The following KLRG1 variants were observed in gnomAD, a reference collection of about 807,000 sequenced individuals.
The protein encoded by KLRG1 is killer cell lectin like receptor G1, also known as killer cell lectin-like receptor subfamily G member 1.
A neutral mutation model predicts 21.8 loss-of-function variants in KLRG1; 16 were observed. The observed-to-expected ratio is 0.73, with a 90% CI of 0.50 to 1.11. KLRG1 has a LOEUF of 1.11. KLRG1 is among the 50% of genes most tolerant of loss of function. The pLI, the probability that KLRG1 is intolerant of heterozygous loss-of-function variation, is 0.00. For synonymous variants in KLRG1, 69 were observed against 75.9 expected (o/e 0.91, Z 0.47); for missense variants, 173 against 218.3 (o/e 0.79, Z 1.31).
the KLRG1 span, chr12:9,069,730 T>C: frequency 1.2e-6 from 2 of 1,605,988 alleles, no homozygotes; most frequent in Non-Finnish European, 1.7e-6. Context: ...GCAAATAGAC[T>C]GGAAGTTCTC....
At chr12:9,079,689 T>G in the KLRG1 span, 1 of 1,613,788 alleles carries the variant, frequency 6.2e-7, no homozygotes, top group Non-Finnish European at 8.5e-7. Flanking sequence ...AGTAAGCTGC[T>G]GTGTTTCATT....
chr12:9,030,527 C>T, the KLRG1 span, among the ~76,000 whole-genome samples: 2 of 152,132 alleles, frequency 1.3e-5, no homozygotes, highest in Non-Finnish European at 2.9e-5. Context: ...CTGCCTCAGC[C>T]TCCCAAGTAG....
the KLRG1 span, among the ~76,000 whole-genome samples, chr12:9,059,994 A>ATT: frequency 9.6e-6 from 1 of 103,664 alleles, no homozygotes; most frequent in African/African-American, 4.2e-5. Flanking sequence ...CAGCCCTGGC[A>ATT]TCTTTTTTTT....
chr12:9,076,366 G>A, the KLRG1 span, among the ~76,000 whole-genome samples: 1 of 152,208 alleles, frequency 6.6e-6, no homozygotes, highest in African/African-American at 2.4e-5. Flanking sequence ...TGAAGGAACT[G>A]AAACACAAGG....
At chr12:9,160,776 G>A in the KLRG1 span, among the ~76,000 whole-genome samples, 10 of 152,020 alleles carry the variant, frequency 6.6e-5, no homozygotes, top group Middle Eastern at 3.2e-3. Flanking sequence ...TTAGCCGGGC[G>A]TGGTGGCGGG....
the KLRG1 span, chr12:9,058,418 G>A: frequency 1.3e-5 from 2 of 151,918 alleles, no homozygotes; most frequent in African/African-American, 4.8e-5. Context: ...ATGTTTATCT[G>A]AAGTATACAG....
the KLRG1 span, chr12:9,150,717 G>C: frequency 2.5e-6 from 4 of 1,612,704 alleles, no homozygotes; most frequent in South Asian, 4.4e-5. Flanking sequence ...GCAGAACCAT[G>C]AAGGAAAAAC....
the KLRG1 span, chr12:9,079,938 G>T: frequency 9.4e-7 from 1 of 1,062,340 alleles, no homozygotes; most frequent in Non-Finnish European, 1.3e-6. Flanking sequence ...ATTCTTCCAG[G>T]GATAGAAGTA....
chr12:9,079,720 T>A, the KLRG1 span: 1 of 1,613,698 alleles, frequency 6.2e-7, no homozygotes, highest in South Asian at 1.1e-5. Flanking sequence ...AGTACATAGA[T>A]GTTAGGAGCA....
rs35591560 is a variant in KLRG1, at chr12:9,010,186, T to TAA, written c.*663_*664dup. On this transcript the variant is annotated 3_prime_UTR_variant, in exon 5 of 5. Transcript: ENST00000356986. ...GGGAGATAGAGCAAGACTCCATCTCTAAAAAAAAAAAAAAATGCTAATGTG... is the reference window on the plus strand; with the variant it reads ...GGGAGATAGAGCAAGACTCCATCTCTAAAAAAAAAAAAAAAAATGCTAATGTG... 347 of 420,226 alleles carry TAA rather than the reference T, an allele frequency of 8.3e-4. No individual in the cohort carries two copies. The highest frequency in any genetic ancestry group is 1.9e-3 in the South Asian group (41 of 22,124). The allele number at this position is 420,226 out of a possible 1,614,324, so 26.0% of individuals were successfully genotyped here. A position where few individuals can be genotyped will look rare whatever the true frequency, so the allele number is the denominator to read the frequency against.
chr12:9,004,369 T>C (rs893857065), intron 3 of KLRG1, among the ~76,000 whole-genome samples: 1 of 152,184 alleles, frequency 6.6e-6, no homozygotes, highest in African/African-American at 2.4e-5. Flanking sequence ...GCACCTGTTG[T>C]TTCCTGACTT....
the KLRG1 span, among the ~76,000 whole-genome samples, chr12:9,111,264 T>G: frequency 6.6e-6 from 1 of 152,262 alleles, no homozygotes; most frequent in East Asian, 1.9e-4. Flanking sequence ...TAAACCATGT[T>G]TTAATGGAGC....
At chr12:8,987,348 A>G (rs1350033829), upstream of KLRG1, 1 of 152,180 alleles carries the variant, frequency 6.6e-6, no homozygotes, top group Non-Finnish European at 1.5e-5. Flanking sequence ...GAGAGACCAG[A>G]GCCCTCTCTC....
intron 1 of KLRG1, among the ~76,000 whole-genome samples, chr12:8,967,405 AATT>A (rs1946493959): frequency 6.6e-6 from 1 of 152,188 alleles, no homozygotes; most frequent in Admixed American, 6.5e-5. Flanking sequence ...CACCTGTTTT[AATT>A]TTTAAAGATA....
chr12:8,958,818 C>T (rs1209912228), intron 1 of KLRG1, among the ~76,000 whole-genome samples: 9 of 150,842 alleles, frequency 6.0e-5, no homozygotes, highest in East Asian at 1.9e-4. Context: ...GGTTGCACCA[C>T]TGCACTCCAG....
the KLRG1 span, among the ~76,000 whole-genome samples, chr12:9,076,454 T>C: frequency 1.3e-5 from 2 of 152,212 alleles, no homozygotes; most frequent in African/African-American, 4.8e-5. Flanking sequence ...CTTACCAGCA[T>C]ACTATAGAGA....
intron 1 of KLRG1, among the ~76,000 whole-genome samples, chr12:8,983,407 T>C (rs1946789699): frequency 6.9e-6 from 1 of 145,444 alleles, no homozygotes; most frequent in South Asian, 2.2e-4. Flanking sequence ...TTTTTTTTTT[T>C]TTTTTTTTTT....
the KLRG1 span, among the ~76,000 whole-genome samples, chr12:9,177,313 G>C: frequency 2.6e-5 from 4 of 152,180 alleles, no homozygotes; most frequent in Non-Finnish European, 5.9e-5. Context: ...CCTCTGTGTG[G>C]TGAGGAACTG....
At chr12:9,165,414 C>T in the KLRG1 span, 1 of 1,601,906 alleles carries the variant, frequency 6.2e-7, no homozygotes, top group Admixed American at 1.7e-5. Context: ...ATGTAAGCCA[C>T]CTTTTCTCAA....
Sources: allele counts gnomAD v4.1 joint callset (sites outside exome capture counted in the v4.1 genomes callset), GRCh38; gene constraint gnomAD v4.1.1; transcripts MANE v1.5; gene names NCBI Gene and HGNC (gene_info 2026-07-23, HGNC 2026-07-21).